The following NPAS1 variants were observed in gnomAD, a reference collection of about 807,000 sequenced individuals.
The protein encoded by NPAS1 is neuronal PAS domain protein 1.
A neutral mutation model predicts 49.2 loss-of-function variants in NPAS1; 29 were observed. The ratio of observed to expected loss-of-function variants is 0.59; its 90% CI spans 0.44 to 0.80. The LOEUF (loss-of-function observed/expected upper bound fraction) is 0.80, where lower values mean the gene tolerates loss of function less well. Ranked by LOEUF, NPAS1 falls within the 30% of genes least tolerant of loss-of-function variation. The pLI, the probability that NPAS1 is intolerant of heterozygous loss-of-function variation, is 0.00. For missense variants in NPAS1, 825 were observed against 835.5 expected (o/e 0.99, Z 0.15); for synonymous variants, 408 against 380.4 (o/e 1.07, Z -0.84).
At chr19:47,020,608 G>A (rs2056832659) in intron 1 of NPAS1, among the ~76,000 whole-genome samples, 1 of 151,898 alleles carries the variant, frequency 6.6e-6, no homozygotes, top group South Asian at 2.1e-4. Flanking sequence ...CCTCGGGGCA[G>A]AGGGCTCCGG....
At position 47,032,265 on chromosome 19, in the gene NPAS1, C is replaced by T. The variant is rs2056910962; in HGVS notation, c.359-13C>T. On this transcript the variant is annotated splice_polypyrimidine_tract_variant and intron_variant, in intron 3 of 11. Coordinates refer to ENST00000602212, the MANE Select transcript of NPAS1 (RefSeq NM_002517.4). ...AGCCAGACTAACAGGCTTCATCCTT[C>T]CATCTGCCCCAGCCCCAGGCCGCCG... 6.2e-7 allele frequency: 1 copy of T among 1,612,902 alleles called. No homozygotes were observed. Among genetic ancestry groups the T allele is most frequent in the Non-Finnish European group, 8.5e-7 (1 of 1,179,360 alleles).
chr19:47,040,431 T>C lies in NPAS1; in HGVS notation c.963-13T>C. Reference sequence around the variant, plus strand: ...GGTCTTGGACTCCTCCCCTCTTCTCTGTCACCCCCCAGAGTCAGCGACCAC... The same window carrying C: ...GGTCTTGGACTCCTCCCCTCTTCTCCGTCACCCCCCAGAGTCAGCGACCAC... On this transcript the variant is annotated splice_polypyrimidine_tract_variant and intron_variant, in intron 8 of 11. Coordinates refer to ENST00000602212, the MANE Select transcript of NPAS1 (RefSeq NM_002517.4). 1 of 1,566,352 alleles carries C rather than the reference T, an allele frequency of 6.4e-7. No homozygotes were observed. Among genetic ancestry groups the C allele is most frequent in the Non-Finnish European group, 8.7e-7 (1 of 1,152,956 alleles).
At chr19:47,037,313 T>G (rs1406492255) in intron 6 of NPAS1, among the ~76,000 whole-genome samples, 2 of 119,726 alleles carry the variant, frequency 1.7e-5, no homozygotes, top group Admixed American at 1.1e-4. Flanking sequence ...ATCAGGCCAT[T>G]GCACTCTGAG....
In NPAS1 at chr19:47,021,657, G is replaced by T; in HGVS notation, c.168G>T (p.Ser56=). Residue 56 remains serine, a synonymous_variant, in exon 3 of 12, where the codon TCG becomes TCT. Transcript: ENST00000602212. The surrounding 1 kb of genome is among the most constrained non-coding windows in gnomAD (Gnocchi z 5.7). ...AGAAGTCCCGGAACGCGGCGCGCTC[G>T]CGGCGCGGGAAGGAGAACCTGGAGT... ...RKEKSRNAAR[S]RRGKENLEFF... 1 of 1,554,588 alleles carries T rather than the reference G, an allele frequency of 6.4e-7. No individual in the cohort carries two copies. Among genetic ancestry groups the T allele is most frequent in the Non-Finnish European group, 8.7e-7 (1 of 1,151,452 alleles).
chr19:47,032,071 G>A (rs1223375243), intron 3 of NPAS1, among the ~76,000 whole-genome samples: 3 of 152,040 alleles, frequency 2.0e-5, no homozygotes, highest in Non-Finnish European at 2.9e-5. Context: ...CCCCTGGCCC[G>A]TCTGTCTCTG....
intron 10 of NPAS1, 70 bp downstream of exon 10, chr19:47,041,195 G>T: frequency 4.4e-6 from 6 of 1,376,576 alleles, no homozygotes; most frequent in Non-Finnish European, 5.7e-6. Flanking sequence ...TCCAGTGGGG[G>T]TGCTTTGGGG....
chr19:47,021,401 C>T lies in NPAS1; in HGVS notation c.123-211C>T, dbSNP rs2056840320. 6.6e-6 allele frequency among the ~76,000 whole-genome samples: 1 copy of T among 152,244 alleles called. No homozygotes were observed. The highest frequency in any genetic ancestry group is 1.5e-5 in the Non-Finnish European group (1 of 68,042). ...ACATCTTTAATCTCTCGCCCTTCCTCCTCCTTCCCACCAGAATTGACACTC... is the reference window on the plus strand; with the variant it reads ...ACATCTTTAATCTCTCGCCCTTCCTTCTCCTTCCCACCAGAATTGACACTC... On this transcript the variant is annotated intron_variant, in intron 2 of 11. Transcript: ENST00000602212. This position sits in a 1 kb window ranked among gnomAD's most constrained non-coding sequence, Gnocchi z 5.7.
intron 3 of NPAS1, among the ~76,000 whole-genome samples, chr19:47,022,644 C>T (rs546280344): frequency 3.9e-5 from 6 of 152,336 alleles, no homozygotes; most frequent in Non-Finnish European, 7.4e-5. Context: ...GGAGCATCTC[C>T]TGCCTGTCTG....
chr19:47,027,211 C>A (rs1338697893), intron 3 of NPAS1, among the ~76,000 whole-genome samples: 1 of 152,206 alleles, frequency 6.6e-6, no homozygotes, highest in Non-Finnish European at 1.5e-5. Context: ...AAGCCCCAGC[C>A]TCTTCTCTCC....
chr19:47,022,375 C>T (rs1443008614), intron 3 of NPAS1, among the ~76,000 whole-genome samples: 2 of 152,222 alleles, frequency 1.3e-5, no homozygotes, highest in Non-Finnish European at 2.9e-5. Flanking sequence ...CCTGTCGCCG[C>T]GCAGCCACCT....
At chr19:47,023,217 CAT>C in intron 3 of NPAS1, among the ~76,000 whole-genome samples, 1 of 152,198 alleles carries the variant, frequency 6.6e-6, no homozygotes, top group Middle Eastern at 3.4e-3. Flanking sequence ...CCGCGAACAA[CAT>C]GTGCGCCGGC....
intron 3 of NPAS1, among the ~76,000 whole-genome samples, chr19:47,028,849 G>A (rs2056889366): frequency 6.6e-6 from 1 of 152,090 alleles, no homozygotes; most frequent in Non-Finnish European, 1.5e-5. Context: ...GCAGGGTCAG[G>A]GTCACCCAGG....
intron 3 of NPAS1, among the ~76,000 whole-genome samples, chr19:47,028,027 G>T (rs1001891443): frequency 6.6e-6 from 1 of 151,888 alleles, no homozygotes; most frequent in Admixed American, 6.6e-5. Flanking sequence ...AGACTCTGGG[G>T]GTCCCTTTCA....
chr19:47,042,759 C>T, intron 10 of NPAS1, 51 bp from the exon 11 acceptor site: 3 of 1,492,322 alleles, frequency 2.0e-6, no homozygotes, highest in South Asian at 1.3e-5. Flanking sequence ...AGGAGGGAGT[C>T]CTGAGAGGCC....
intron 3 of NPAS1, among the ~76,000 whole-genome samples, chr19:47,028,338 G>C (rs1297133123): frequency 6.6e-6 from 1 of 152,070 alleles, no homozygotes; most frequent in Non-Finnish European, 1.5e-5. Flanking sequence ...GGCGGAGGTG[G>C]AGGCAGGGAG....
intron 5 of NPAS1, among the ~76,000 whole-genome samples, chr19:47,033,730 G>A (rs1422020502): frequency 6.6e-6 from 1 of 151,846 alleles, no homozygotes; most frequent in African/African-American, 2.4e-5. Context: ...GGCTGAGCCA[G>A]GAGGATCACC....
chr19:47,040,903 CCTGT>C, intron 9 of NPAS1, 71 bp from the exon 10 acceptor site: 2 of 1,288,904 alleles, frequency 1.6e-6, no homozygotes, highest in Non-Finnish European at 2.1e-6. Flanking sequence ...CCTGTCTCCT[CCTGT>C]CTACCTGGCT....
chr19:47,039,302 G>C, intron 7 of NPAS1, 105 bp from the exon 8 acceptor site: 1 of 1,529,780 alleles, frequency 6.5e-7, no homozygotes, highest in Non-Finnish European at 8.9e-7. Flanking sequence ...ACAGTGTCCA[G>C]TCCTCCAGCA....
intron 6 of NPAS1, 136 bp downstream of exon 6, chr19:47,036,265 A>G: frequency 2.1e-6 from 2 of 972,592 alleles, no homozygotes; most frequent in East Asian, 5.6e-5. Context: ...TGCAAAAGGA[A>G]TCGGAGTATA....
Sources: allele counts gnomAD v4.1 joint callset (sites outside exome capture counted in the v4.1 genomes callset), GRCh38; gene constraint gnomAD v4.1.1; non-coding constraint Gnocchi (gnomAD v3.1); transcripts MANE v1.5; gene names NCBI Gene and HGNC (gene_info 2026-07-23, HGNC 2026-07-21).